Variants in TIAM1 observed in about 807,000 individuals in gnomAD.
TIAM1 encodes the protein TIAM Rac1 associated GEF 1.
Under a neutral mutation model 163.5 loss-of-function variants are expected in TIAM1, and 65 were observed. The observed-to-expected ratio is 0.40, with a 90% CI of 0.33 to 0.49. The LOEUF is 0.49. Ranked by LOEUF, TIAM1 falls within the 20% of genes least tolerant of loss-of-function variation. The pLI, the probability that TIAM1 is intolerant of heterozygous loss-of-function variation, is 0.77. For missense variants in TIAM1, 1,789 were observed against 2,044.7 expected (o/e 0.87, Z 2.41); for synonymous variants, 833 against 810.1 (o/e 1.03, Z -0.48).
chr21:31,354,025 A>C (rs2076277967), intron 2 of TIAM1, among the ~76,000 whole-genome samples: 1 of 151,310 alleles, frequency 6.6e-6, no homozygotes, highest in Non-Finnish European at 1.5e-5. Context: ...TTTAGTAGAG[A>C]TGGGATTTCA....
intron 5 of TIAM1, 143 bp from the exon 6 acceptor site, chr21:31,245,803 G>A: frequency 1.3e-6 from 1 of 782,866 alleles, no homozygotes; most frequent in Middle Eastern, 4.2e-4. Context: ...ATGGAGCCAG[G>A]CTTGGACTCA....
chr21:31,352,537 TG>T, intron 2 of TIAM1, among the ~76,000 whole-genome samples: 1 of 140,846 alleles, frequency 7.1e-6, no homozygotes, highest in Non-Finnish European at 1.5e-5. Flanking sequence ...CTCACATATA[TG>T]TAGCTTTAAA....
chr21:31,328,310 C>T (rs531803275), intron 2 of TIAM1, among the ~76,000 whole-genome samples: 29 of 152,238 alleles, frequency 1.9e-4, no homozygotes, highest in East Asian at 1.2e-3. Flanking sequence ...CTCAACCAAC[C>T]GTAGATCAAA....
At chr21:31,507,673 C>A (rs528580020) in intron 1 of TIAM1, among the ~76,000 whole-genome samples, 1 of 152,160 alleles carries the variant, frequency 6.6e-6, no homozygotes, top group East Asian at 1.9e-4. Context: ...TCATGGTCCC[C>A]GTCCTCTTGG....
At chr21:31,385,533 C>T (rs1263879081) in intron 2 of TIAM1, among the ~76,000 whole-genome samples, 1 of 151,874 alleles carries the variant, frequency 6.6e-6, no homozygotes, top group Non-Finnish European at 1.5e-5. Flanking sequence ...AGGCAATAAG[C>T]TAGGATCTGT....
chr21:31,447,116 C>G (rs189901885), intron 2 of TIAM1, among the ~76,000 whole-genome samples: 3 of 152,246 alleles, frequency 2.0e-5, no homozygotes, highest in African/African-American at 7.2e-5. Flanking sequence ...AGGCCAGACA[C>G]AGTGGCTCAC....
At chr21:31,340,714 G>C (rs925829205) in intron 1 of TIAM1, among the ~76,000 whole-genome samples, 6 of 151,940 alleles carry the variant, frequency 3.9e-5, no homozygotes, top group African/African-American at 1.5e-4. Context: ...TGCCTTCATA[G>C]AAGCAACCCA....
intron 2 of TIAM1, among the ~76,000 whole-genome samples, chr21:31,422,712 T>C (rs1449102548): frequency 1.3e-5 from 2 of 152,202 alleles, no homozygotes; most frequent in Non-Finnish European, 2.9e-5. Flanking sequence ...TTTGCACCAA[T>C]GAGCACCTCT....
At chr21:31,523,917 CAAAAAAAA>C (rs376067896) in intron 1 of TIAM1, among the ~76,000 whole-genome samples, 8 of 92,250 alleles carry the variant, frequency 8.7e-5, no homozygotes, top group Non-Finnish European at 1.5e-4. Context: ...GATTCCATCT[CAAAAAAAA>C]AAAAAAAAAT....
chr21:31,483,488 A>AT (rs1055570006), intron 1 of TIAM1, among the ~76,000 whole-genome samples: 4 of 152,044 alleles, frequency 2.6e-5, no homozygotes, highest in South Asian at 4.2e-4. Context: ...GGTGAGACTC[A>AT]TTTTTTGCTA....
chr21:31,142,421 C>T (rs1601254252), intron 20 of TIAM1, among the ~76,000 whole-genome samples: 2 of 142,556 alleles, frequency 1.4e-5, no homozygotes, highest in African/African-American at 5.3e-5. Flanking sequence ...AGTTTGAAAG[C>T]AGCCTGGCCA....
chr21:31,408,792 T>A (rs2077292717), intron 2 of TIAM1, among the ~76,000 whole-genome samples: 1 of 152,196 alleles, frequency 6.6e-6, no homozygotes, highest in African/African-American at 2.4e-5. Flanking sequence ...GTTCTCTAAG[T>A]ATGGTCCCCA....
intron 15 of TIAM1, among the ~76,000 whole-genome samples, chr21:31,168,963 G>T (rs1234561418): frequency 6.6e-6 from 1 of 152,158 alleles, no homozygotes; most frequent in Non-Finnish European, 1.5e-5. Context: ...ATCAGATGTA[G>T]AATGTCAAAT....
intron 1 of TIAM1, among the ~76,000 whole-genome samples, chr21:31,519,065 T>C (rs867886093): frequency 1.3e-5 from 2 of 151,804 alleles, no homozygotes; most frequent in Non-Finnish European, 2.9e-5. Flanking sequence ...TCCCAGCACT[T>C]TGGGAGGCTG....
intron 2 of TIAM1, among the ~76,000 whole-genome samples, chr21:31,333,274 G>C (rs111649174): frequency 1.3e-5 from 2 of 151,926 alleles, no homozygotes; most frequent in Non-Finnish European, 2.9e-5. Flanking sequence ...CTCCAACTCC[G>C]TTTTTTTCAG....
intron 2 of TIAM1, among the ~76,000 whole-genome samples, chr21:31,392,952 T>C (rs2076992895): frequency 1.6e-5 from 2 of 125,510 alleles, no homozygotes; most frequent in Admixed American, 1.8e-4. Context: ...CAAATAAACC[T>C]GTCTTCTTTT....
intron 1 of TIAM1, among the ~76,000 whole-genome samples, chr21:31,341,747 T>C (rs534980734): frequency 6.6e-6 from 1 of 152,368 alleles, no homozygotes; most frequent in East Asian, 1.9e-4. Flanking sequence ...GGTGTCCTCC[T>C]ACTTGCAGCT....
In TIAM1 at chr21:31,503,599, G is replaced by GAGAAGGGGAGGGGAGA. The variant is rs373435787; in HGVS notation, c.-421-39565_-421-39564insTCTCCCCTCCCCTTCT. On this transcript the variant is annotated intron_variant, in intron 1 of 28. Transcript: ENST00000286827. ...GAGAAAGAGAAAGAGAGGAGGGGAG[G>GAGAAGGGGAGGGGAGA]GGAGGGGAGGGGAGGGACCTGAAAT... Among the ~76,000 whole-genome samples, 194 of 45,198 alleles carry GAGAAGGGGAGGGGAGA rather than the reference G, an allele frequency of 4.3e-3. 20 individuals carry two copies. Among genetic ancestry groups the GAGAAGGGGAGGGGAGA allele is most frequent in the Middle Eastern group, 7.8e-3 (1 of 128 alleles). 29.7% of individuals were successfully genotyped at this position (45,198 alleles called of 152,430 possible).
At chr21:31,323,459 G>A (rs1476483872) in intron 2 of TIAM1, among the ~76,000 whole-genome samples, 1 of 152,032 alleles carries the variant, frequency 6.6e-6, no homozygotes, top group Non-Finnish European at 1.5e-5. Flanking sequence ...TGTAATCCCA[G>A]CCACTTTGGG....
Sources: allele counts gnomAD v4.1 joint callset (sites outside exome capture counted in the v4.1 genomes callset), GRCh38; gene constraint gnomAD v4.1.1; transcripts MANE v1.5; gene names NCBI Gene and HGNC (gene_info 2026-07-23, HGNC 2026-07-21).